SH3PXD2A: variants seen among roughly 807,000 people sequenced by gnomAD.
The protein encoded by SH3PXD2A is SH3 and PX domain-containing protein 2A.
Under a neutral mutation model 115.2 loss-of-function variants are expected in SH3PXD2A, and 32 were observed. The ratio of observed to expected loss-of-function variants is 0.28; its 90% confidence interval spans 0.21 to 0.37. The LOEUF is 0.37. Among genes scored for constraint, SH3PXD2A ranks in the 10% least tolerant of loss-of-function variants. The probability of loss-of-function intolerance (pLI) is 1.00; values close to 1 mark genes in which losing one functional copy is unlikely to be tolerated. For synonymous variants in SH3PXD2A, 610 were observed against 629.1 expected (o/e 0.97, Z 0.45); for missense variants, 1,328 against 1,498.7 (o/e 0.89, Z 1.88).
chr10:103,767,740 G>A (rs1252976251), intron 2 of SH3PXD2A, among the ~76,000 whole-genome samples: 1 of 151,860 alleles, frequency 6.6e-6, no homozygotes, highest in Non-Finnish European at 1.5e-5. Flanking sequence ...CCCACCCTGA[G>A]GTCGCTGCTG....
chr10:103,836,919 C>T (rs1453670131), intron 1 of SH3PXD2A, among the ~76,000 whole-genome samples: 2 of 152,186 alleles, frequency 1.3e-5, no homozygotes, highest in South Asian at 2.1e-4. Flanking sequence ...GCACAGGAGC[C>T]GGCAGCCCCT....
At chr10:103,782,675 G>T (rs2038942063) in intron 2 of SH3PXD2A, among the ~76,000 whole-genome samples, 1 of 151,882 alleles carries the variant, frequency 6.6e-6, no homozygotes, top group Non-Finnish European at 1.5e-5. Flanking sequence ...AGGGGAGGGA[G>T]GTGGGGAATG....
In SH3PXD2A at chr10:103,605,816, C is replaced by G; in HGVS notation, c.1410G>C (p.Arg470=). ...GGCTTACCTCTGCCTTCTGTCCACC[C>G]CGAAAGCTGATGCCATCGGAAATGC... is the stretch of plus-strand genomic sequence containing the variant. ...QSCISDGISF[R]GGQKAEVIDK... is the part of the protein sequence containing the mutation. The change falls in exon 14 of 15, where the codon CGG becomes CGC. Residue 470 remains arginine (R), a synonymous_variant. Coordinates refer to ENST00000369774, the MANE Select transcript of SH3PXD2A (RefSeq NM_001394015.1). The G allele has an allele frequency of 6.2e-7, 1 of 1,614,118 alleles. No individual in the cohort carries two copies. Among genetic ancestry groups the G allele is most frequent in the Non-Finnish European group, 8.5e-7 (1 of 1,179,946 alleles).
intron 2 of SH3PXD2A, among the ~76,000 whole-genome samples, chr10:103,790,854 T>A (rs142040464): frequency 1.2e-4 from 18 of 152,386 alleles, no homozygotes; most frequent in African/African-American, 4.1e-4. Flanking sequence ...CTTGTCATCC[T>A]GCTAGATATC....
intron 13 of SH3PXD2A, among the ~76,000 whole-genome samples, chr10:103,606,412 C>T (rs1347872066): frequency 2.0e-5 from 2 of 99,158 alleles, no homozygotes; most frequent in Non-Finnish European, 4.0e-5. Context: ...TGGGCTCTCT[C>T]AGGATCTGGA....
At chr10:103,855,124 G>T (rs1842928633) in intron 1 of SH3PXD2A, 71 bp downstream of exon 1, 3 of 1,134,244 alleles carry the variant, frequency 2.6e-6, no homozygotes, top group Non-Finnish European at 3.7e-6. Flanking sequence ...GCTGGGAGGG[G>T]CAAGGGGCCA....
rs983507840 is a variant in SH3PXD2A, at chr10:103,611,538, A to T, written c.1308+43T>A. 5 of 1,571,966 alleles carry T rather than the reference A, an allele frequency of 3.2e-6. No homozygotes were observed. The Admixed American group carries it at 5.0e-5, about 16-fold the overall frequency. Reference sequence around the variant, plus strand: ...TTGATCGGGTGGCTATAGCGCATTCACAGAAAAGGAAGGAAAGGGGAGAAG... The same window carrying T: ...TTGATCGGGTGGCTATAGCGCATTCTCAGAAAAGGAAGGAAAGGGGAGAAG... On this transcript the variant is annotated intron_variant, in intron 13 of 14. Transcript: ENST00000369774.
chr10:103,775,086 C>T (rs2038865231), intron 2 of SH3PXD2A, among the ~76,000 whole-genome samples: 2 of 152,182 alleles, frequency 1.3e-5, no homozygotes, highest in Admixed American at 1.3e-4. Flanking sequence ...GACCTGTCCA[C>T]CCTGGCAAGG....
In SH3PXD2A at chr10:103,603,059, G is replaced by T; in HGVS notation, c.2159C>A (p.Pro720His). The T allele has an allele frequency of 6.2e-7, 1 of 1,613,800 alleles. No individual in the cohort carries two copies. Among genetic ancestry groups the T allele is most frequent in the Non-Finnish European group, 8.5e-7 (1 of 1,180,046 alleles). The change falls in exon 15 of 15, where the codon CCC becomes CAC. Residue 720 changes from proline to histidine, a missense_variant. Pro to His is a moderately conservative substitution (Grantham distance 77). Coordinates refer to ENST00000369774, the MANE Select transcript of SH3PXD2A (RefSeq NM_001394015.1). The part of the protein sequence containing the change: ...SLSKTSGDLK[P>H]RSASDAGIRG... ...GATGCCTGCGTCCGAAGCAGAGCGGGGCTTCAGGTCGCCACTGGTTTTGGA... is the reference window on the plus strand; with the variant it reads ...GATGCCTGCGTCCGAAGCAGAGCGGTGCTTCAGGTCGCCACTGGTTTTGGA...
At chr10:103,643,056 C>T (rs1239125501) in intron 8 of SH3PXD2A, among the ~76,000 whole-genome samples, 1 of 152,206 alleles carries the variant, frequency 6.6e-6, no homozygotes, top group Non-Finnish European at 1.5e-5. Flanking sequence ...CCCTCCAAAG[C>T]CTCCTTATTT....
chr10:103,767,610 C>T (rs1414708204), intron 2 of SH3PXD2A, among the ~76,000 whole-genome samples: 1 of 151,838 alleles, frequency 6.6e-6, no homozygotes, highest in East Asian at 1.9e-4. Flanking sequence ...ATACTTTAGA[C>T]AGACCACCCA....
chr10:103,776,810 G>T (rs561624802), intron 2 of SH3PXD2A, among the ~76,000 whole-genome samples: 1 of 152,180 alleles, frequency 6.6e-6, no homozygotes, highest in East Asian at 1.9e-4. Flanking sequence ...CCCTACTCCC[G>T]GATGATCTCA....
intron 5 of SH3PXD2A, among the ~76,000 whole-genome samples, chr10:103,709,390 T>G (rs1471073036): frequency 6.6e-6 from 1 of 152,186 alleles, no homozygotes; most frequent in Non-Finnish European, 1.5e-5. Context: ...GGATGATGTC[T>G]GGGGAACTGA....
At chr10:103,676,403 C>T (rs1592295753) in intron 6 of SH3PXD2A, among the ~76,000 whole-genome samples, 1 of 152,316 alleles carries the variant, frequency 6.6e-6, no homozygotes, top group Non-Finnish European at 1.5e-5. Context: ...AGACCCTCCA[C>T]AGCCCCTTAG....
chr10:103,681,096 G>T (rs1040454678), intron 6 of SH3PXD2A, among the ~76,000 whole-genome samples: 1 of 152,180 alleles, frequency 6.6e-6, no homozygotes, highest in African/African-American at 2.4e-5. Flanking sequence ...CACAATTTGG[G>T]TATTTCCTCC....
At chr10:103,825,272 C>G (rs1210031160) in intron 1 of SH3PXD2A, among the ~76,000 whole-genome samples, 1 of 152,214 alleles carries the variant, frequency 6.6e-6, no homozygotes, top group East Asian at 1.9e-4. Flanking sequence ...GCTGCCTACA[C>G]TTGGGCCGCT....
chr10:103,710,314 G>T (rs2038032561), intron 5 of SH3PXD2A, among the ~76,000 whole-genome samples: 1 of 152,084 alleles, frequency 6.6e-6, no homozygotes, highest in Non-Finnish European at 1.5e-5. Flanking sequence ...GGTGAAGGTT[G>T]CAGTGAGTCG....
intron 7 of SH3PXD2A, among the ~76,000 whole-genome samples, chr10:103,663,930 A>G (rs567928796): frequency 6.6e-6 from 1 of 152,350 alleles, no homozygotes; most frequent in East Asian, 1.9e-4. Flanking sequence ...GCCCTGCTAA[A>G]GCCGGGATTG....
intron 4 of SH3PXD2A, 56 bp downstream of exon 4, chr10:103,735,676 C>G: frequency 7.4e-7 from 1 of 1,359,094 alleles, no homozygotes; most frequent in Non-Finnish European, 1.0e-6. Context: ...AAATGGGCCC[C>G]TCTCCTCCCT....
Sources: gnomAD v4.1 joint callset for allele counts (sites outside exome capture counted in the v4.1 genomes callset) on GRCh38, gnomAD v4.1.1 for gene constraint, MANE v1.5 for transcripts, NCBI Gene and HGNC (gene_info 2026-07-23, HGNC 2026-07-21) for gene names.